Variants in LARP4B observed in about 807,000 individuals in gnomAD.
LARP4B encodes the protein la-related protein 4B.
Under a neutral mutation model 89.8 loss-of-function variants are expected in LARP4B, and 12 were observed. That is an observed-to-expected ratio of 0.13 (90% CI 0.09 to 0.22). The LOEUF (loss-of-function observed/expected upper bound fraction) is 0.22. LARP4B is among the 10% of genes least tolerant of loss of function. The pLI, the probability that LARP4B is intolerant of heterozygous loss-of-function variation, is 1.00. For missense variants in LARP4B, 757 were observed against 947.7 expected, an observed-to-expected ratio of 0.80 and a Z score of 2.64; for synonymous variants, 367 against 363.3, an observed-to-expected ratio of 1.01 and a Z score of -0.12.
At chr10:930,741 A>C (rs370546653) in intron 1 of LARP4B, among the ~76,000 whole-genome samples, 2 of 152,256 alleles carry the variant, frequency 1.3e-5, no homozygotes, top group South Asian at 4.1e-4. Context: ...ACCTCTGCTC[A>C]AGTCTATCAA....
At chr10:905,886 C>G (rs1446236968) in intron 1 of LARP4B, among the ~76,000 whole-genome samples, 1 of 152,178 alleles carries the variant, frequency 6.6e-6, no homozygotes, top group East Asian at 1.9e-4. Flanking sequence ...TGGAACAGAC[C>G]AGCCTTTCCC....
chr10:954,403 G>C, the LARP4B span, among the ~76,000 whole-genome samples: 2 of 152,198 alleles, frequency 1.3e-5, no homozygotes, highest in African/African-American at 2.4e-5. The surrounding 1 kb of genome is among the most constrained non-coding windows in gnomAD (Gnocchi z 5.0). Context: ...AAAGAAGTGT[G>C]TGATAAGGAC....
chr10:858,384 T>C (rs1834415248), intron 5 of LARP4B, among the ~76,000 whole-genome samples: 2 of 152,142 alleles, frequency 1.3e-5, no homozygotes, highest in South Asian at 4.1e-4. Context: ...TTATACCATA[T>C]ACAAAAATTA....
intron 1 of LARP4B, among the ~76,000 whole-genome samples, chr10:929,146 T>C (rs1411851483): frequency 6.6e-6 from 1 of 151,946 alleles, no homozygotes; most frequent in East Asian, 1.9e-4. Flanking sequence ...TCAAAAAGAG[T>C]GGAACTGCTT....
intron 2 of LARP4B, 82 bp downstream of exon 2, chr10:885,559 A>G: frequency 1.1e-6 from 1 of 950,272 alleles, no homozygotes; most frequent in Non-Finnish European, 1.6e-6. Flanking sequence ...GTTCCTGTTT[A>G]GAACTCCTTA....
At chr10:841,658 G>C (rs1833526958) in intron 7 of LARP4B, among the ~76,000 whole-genome samples, 1 of 152,172 alleles carries the variant, frequency 6.6e-6, no homozygotes, top group Admixed American at 6.5e-5. Context: ...TACAAACAGG[G>C]ACAAGAATGC....
At chr10:836,621 G>GA in intron 7 of LARP4B, 115 bp from the exon 8 acceptor site, 1 of 660,924 alleles carries the variant, frequency 1.5e-6, no homozygotes, top group East Asian at 2.8e-5. Flanking sequence ...ACCTGCAAAT[G>GA]GGCAAAGTAA....
intron 3 of LARP4B, 106 bp downstream of exon 3, chr10:884,341 A>G (rs929353523): frequency 4.8e-6 from 4 of 837,684 alleles, no homozygotes; most frequent in African/African-American, 1.7e-5. Flanking sequence ...TTTGAGAAAT[A>G]TCTACATTTT....
chr10:951,147 T>C, the LARP4B span, among the ~76,000 whole-genome samples: 145 of 152,332 alleles, frequency 9.5e-4, no homozygotes, highest in African/African-American at 3.1e-3. Context: ...TTGTTCCTGA[T>C]CTTAGGCTGG....
At chr10:878,527 T>C (rs934172639) in intron 3 of LARP4B, among the ~76,000 whole-genome samples, 7 of 152,226 alleles carry the variant, frequency 4.6e-5, no homozygotes, top group African/African-American at 1.4e-4. Context: ...TGTCTTCGAA[T>C]TGCTGCCAAA....
chr10:930,680 A>G (rs1190506379), intron 1 of LARP4B, among the ~76,000 whole-genome samples: 1 of 152,004 alleles, frequency 6.6e-6, no homozygotes, highest in Non-Finnish European at 1.5e-5. Flanking sequence ...CCCCAAGACC[A>G]ACACAGGCAA....
chr10:872,237 G>A (rs1377650218), intron 3 of LARP4B, among the ~76,000 whole-genome samples: 3 of 152,218 alleles, frequency 2.0e-5, no homozygotes, highest in Admixed American at 6.5e-5. Flanking sequence ...ATGGCTGAAC[G>A]CCACAGGCTC....
At position 927,707 on chromosome 10, in the gene LARP4B, G is replaced by C. The variant is rs551928147; in HGVS notation, c.-40+3721C>G. Among the ~76,000 whole-genome samples, 3 of 152,340 alleles carry C rather than the reference G, an allele frequency of 2.0e-5. No individual in the cohort carries two copies. In the East Asian group the frequency reaches 5.8e-4, roughly 29 times the overall value. ...CATAAGCAAGGAAACCCTTACAGCA[G>C]TGTCTGTTTTTAACAAGGTATTTTC... On this transcript the variant is annotated intron_variant, in intron 1 of 17. Coordinates refer to ENST00000316157, the MANE Select transcript of LARP4B (RefSeq NM_015155.3).
Position 814,546 on chromosome 10 carries a change from G to T in LARP4B, c.1929+196C>A, listed in dbSNP as rs1030074053. On this transcript the variant is annotated intron_variant, in intron 17 of 17. Transcript: ENST00000316157. This position sits in a 1 kb window ranked among gnomAD's most constrained non-coding sequence, Gnocchi z 4.4. The stretch of plus-strand genomic sequence containing the variant: ...AAGGACTACATGGTGGTCTGAGAAA[G>T]AACTAGAGTAGTTAGTGGAAAATTA... 28 of 1,243,516 alleles carry T rather than the reference G, an allele frequency of 2.3e-5. No individual in the cohort carries two copies. Among genetic ancestry groups the T allele is most frequent in the Non-Finnish European group, 3.2e-5 (28 of 877,072 alleles). The allele number at this position is 1,243,516 out of a possible 1,614,324, so 77.0% of individuals were successfully genotyped here.
rs1758699628 is a variant in LARP4B at position 894,538 on chromosome 10, T to C, written c.-39-8778A>G. On this transcript the variant is annotated intron_variant, in intron 1 of 17. Coordinates refer to ENST00000316157, the MANE Select transcript of LARP4B (RefSeq NM_015155.3). Reference sequence around the variant, plus strand: ...GGTTTAAAATGACATAGAAAAACTTTTAAGGTTGCCTAGGTAATAAAGACA... The same window carrying C: ...GGTTTAAAATGACATAGAAAAACTTCTAAGGTTGCCTAGGTAATAAAGACA... Among the ~76,000 whole-genome samples, 4 of 152,158 alleles carry C rather than the reference T, an allele frequency of 2.6e-5. No homozygotes were observed. In the South Asian group the frequency reaches 8.3e-4, roughly 32 times the overall value.
At chr10:864,372 G>C in intron 3 of LARP4B, 102 bp from the exon 4 acceptor site, 2 of 1,110,278 alleles carry the variant, frequency 1.8e-6, no homozygotes, top group Non-Finnish European at 2.7e-6. Flanking sequence ...GGCTCCAAAG[G>C]CTCAGCCTAT....
At chr10:824,824 A>G (rs1008648617) in intron 13 of LARP4B, among the ~76,000 whole-genome samples, 8 of 152,360 alleles carry the variant, frequency 5.3e-5, no homozygotes, top group African/African-American at 1.7e-4. Context: ...GTCTATGGCT[A>G]TTGAGCTCCA....
At chr10:929,472 G>A (rs576247375) in intron 1 of LARP4B, among the ~76,000 whole-genome samples, 1 of 152,238 alleles carries the variant, frequency 6.6e-6, no homozygotes, top group South Asian at 2.1e-4. Context: ...GCATGTGCCT[G>A]TAAATCCCAG....
the LARP4B span, among the ~76,000 whole-genome samples, chr10:958,146 T>C: frequency 2.6e-5 from 4 of 152,194 alleles, no homozygotes; most frequent in Admixed American, 1.3e-4. Flanking sequence ...AAGTGCCCAC[T>C]GGGTTGTCAC....
Sources: allele counts gnomAD v4.1 joint callset (sites outside exome capture counted in the v4.1 genomes callset), GRCh38; gene constraint gnomAD v4.1.1; non-coding constraint Gnocchi (gnomAD v3.1); transcripts MANE v1.5; gene names NCBI Gene and HGNC (gene_info 2026-07-23, HGNC 2026-07-21).